Variants in CSMD1 observed in about 807,000 individuals in gnomAD.
CSMD1 encodes the protein CUB and sushi domain-containing protein 1.
CSMD1 carries 213 observed loss-of-function variants against 417.5 expected under a neutral mutation model. The observed-to-expected ratio is 0.51, with a 90% CI of 0.46 to 0.57. The LOEUF is 0.57. Ranked by LOEUF, CSMD1 falls within the 20% of genes least tolerant of loss-of-function variation. The pLI, the probability that CSMD1 is intolerant of heterozygous loss-of-function variation, is 0.00. For missense variants in CSMD1, 6,923 were observed against 4,529.7 expected (o/e 1.53, Z -15.17); for synonymous variants, 2,862 against 1,736.8 (o/e 1.65, Z -16.11).
intron 26 of CSMD1, among the ~76,000 whole-genome samples, chr8:3,251,245 G>T (rs982872140): frequency 2.0e-5 from 3 of 152,150 alleles, no homozygotes; most frequent in East Asian, 3.9e-4. Flanking sequence ...TTTGTATAAG[G>T]TGTAAGGAAG....
At chr8:3,131,600 T>C (rs1347628931) in intron 41 of CSMD1, among the ~76,000 whole-genome samples, 2 of 151,778 alleles carry the variant, frequency 1.3e-5, no homozygotes, top group Non-Finnish European at 2.9e-5. Context: ...GTCTCTTGAG[T>C]AGCTGGGATT....
chr8:2,963,121 C>G, intron 60 of CSMD1, 101 bp downstream of exon 60: 1 of 1,297,998 alleles, frequency 7.7e-7, no homozygotes, highest in Non-Finnish European at 1.1e-6. Context: ...TATTATTACC[C>G]ACCAGGAAGG....
chr8:3,389,524 A>C (rs1464732504), intron 17 of CSMD1, among the ~76,000 whole-genome samples: 1 of 152,196 alleles, frequency 6.6e-6, no homozygotes, highest in Non-Finnish European at 1.5e-5. Flanking sequence ...CAGTTAACTA[A>C]ATAATTTCAT....
At chr8:3,072,283 G>T (rs893978262) in intron 49 of CSMD1, among the ~76,000 whole-genome samples, 1 of 152,156 alleles carries the variant, frequency 6.6e-6, no homozygotes, top group Non-Finnish European at 1.5e-5. Context: ...ACCAAACTAG[G>T]AGTATGGAAC....
chr8:3,914,972 G>A (rs1808716194), intron 5 of CSMD1, among the ~76,000 whole-genome samples: 1 of 152,136 alleles, frequency 6.6e-6, no homozygotes, highest in South Asian at 2.1e-4. Flanking sequence ...GCAGTGTGAT[G>A]AAAGCTGAAC....
intron 3 of CSMD1, among the ~76,000 whole-genome samples, chr8:4,205,162 G>A (rs558862851): frequency 1.3e-5 from 2 of 152,082 alleles, no homozygotes; most frequent in Non-Finnish European, 2.9e-5. Context: ...TTCTTAGAGA[G>A]AAAACTGGGT....
chr8:4,986,887 T>C (rs1307946956), intron 1 of CSMD1, among the ~76,000 whole-genome samples: 7 of 152,194 alleles, frequency 4.6e-5, no homozygotes, highest in African/African-American at 7.2e-5. Context: ...AAAACGTTAT[T>C]AGATTTTGAT....
Position 3,107,792 on chromosome 8 carries a change from T to C in CSMD1, c.6761A>G (p.Gln2254Arg), listed in dbSNP as rs1456456042. Reference protein sequence around the residue: ...GFFVLNFHAFQLKKCQPPPAV... With the variant: ...GFFVLNFHAFRLKKCQPPPAV... Reference sequence around the variant, plus strand: ...TGGGGGAGGTTGACATTTCTTGAGCTGAAATGCTAAATGATTAATGGAAAG... The same window carrying C: ...TGGGGGAGGTTGACATTTCTTGAGCCGAAATGCTAAATGATTAATGGAAAG... The change falls in exon 45 of 70, where the codon CAG (glutamine) becomes CGG (arginine). Residue 2254 changes from glutamine (Q) to arginine (R), a missense_variant. Coordinates refer to ENST00000635120, the MANE Select transcript of CSMD1 (RefSeq NM_033225.6). The C allele has an allele frequency of 3.8e-6, 6 of 1,574,144 alleles. No homozygotes were observed. In the Admixed American group the frequency reaches 6.0e-5, roughly 16 times the overall value.
At chr8:4,815,694 C>CAAAAAAA (rs1218931391) in intron 1 of CSMD1, among the ~76,000 whole-genome samples, 4 of 67,602 alleles carry the variant, frequency 5.9e-5, no homozygotes, top group Admixed American at 1.8e-4. Context: ...AAAGCTGTCT[C>CAAAAAAA]AAAAAAAAAA....
intron 3 of CSMD1, among the ~76,000 whole-genome samples, chr8:4,069,582 T>C (rs1302445643): frequency 1.3e-5 from 2 of 152,198 alleles, no homozygotes; most frequent in Non-Finnish European, 2.9e-5. Flanking sequence ...TGCAGATGTA[T>C]CTTGGGCCAG....
chr8:4,087,959 T>C (rs1317493156), intron 3 of CSMD1, among the ~76,000 whole-genome samples: 9 of 152,114 alleles, frequency 5.9e-5, no homozygotes. Flanking sequence ...AGAACGGTGG[T>C]ATCCAAGAGA....
At chr8:3,845,540 G>T (rs116175145) in intron 5 of CSMD1, among the ~76,000 whole-genome samples, 132 of 152,288 alleles carry the variant, frequency 8.7e-4, no homozygotes, top group African/African-American at 2.7e-3. Flanking sequence ...AGGACCAGAA[G>T]TTGCTCTGGG....
intron 3 of CSMD1, among the ~76,000 whole-genome samples, chr8:4,067,625 C>A (rs1346984453): frequency 6.6e-6 from 1 of 151,856 alleles, no homozygotes; most frequent in Non-Finnish European, 1.5e-5. Flanking sequence ...CCAAAATGAC[C>A]CTACATAAAC....
chr8:3,842,679 A>G (rs1563136354), intron 5 of CSMD1, among the ~76,000 whole-genome samples: 2 of 152,160 alleles, frequency 1.3e-5, no homozygotes. Context: ...TTCAAAGAGC[A>G]TTTGAAACTA....
At chr8:4,214,124 G>C (rs533856236) in intron 3 of CSMD1, among the ~76,000 whole-genome samples, 2 of 144,930 alleles carry the variant, frequency 1.4e-5, no homozygotes, top group Non-Finnish European at 2.9e-5. Flanking sequence ...TTTTTTGTTT[G>C]TTTTGTTTTG....
At chr8:4,880,054 C>A (rs979922498) in intron 1 of CSMD1, among the ~76,000 whole-genome samples, 1 of 152,066 alleles carries the variant, frequency 6.6e-6, no homozygotes, top group African/African-American at 2.4e-5. Flanking sequence ...TAAAAGTAAT[C>A]TCCTACCTTT....
chr8:4,552,530 A>T lies in CSMD1; in HGVS notation c.302+84812T>A, dbSNP rs73661523. Among the ~76,000 whole-genome samples the T allele has an allele frequency of 5.4e-3, 823 of 152,226 alleles. 6 individuals carry two copies. Among genetic ancestry groups the T allele is most frequent in the African/African-American group, 0.019 (785 of 41,550 alleles). On this transcript the variant is annotated intron_variant, in intron 2 of 69. Transcript: ENST00000635120. ...TGCAGAACTCTGGAGAAGATTAATG[A>T]AGTCAGCTTTCCATTCCCTGGGAAG...
intron 3 of CSMD1, among the ~76,000 whole-genome samples, chr8:4,338,539 A>T (rs140872510): frequency 6.6e-6 from 1 of 151,810 alleles, no homozygotes; most frequent in African/African-American, 2.4e-5. Flanking sequence ...TTTCTAGTTT[A>T]CTCTATTTTC....
In CSMD1 at chr8:4,070,274, A is replaced by G. The variant is rs114279547; in HGVS notation, c.416-38175T>C. ...AAACATGCAATTCAAACTCTAAAAC[A>G]TAATGTTGTTATTTTTACTTAAAAA... On this transcript the variant is annotated intron_variant, in intron 3 of 69. Coordinates refer to ENST00000635120, the MANE Select transcript of CSMD1 (RefSeq NM_033225.6). Among the ~76,000 whole-genome samples, 592 of 152,332 alleles carry G rather than the reference A, an allele frequency of 3.9e-3. 3 individuals are homozygous for G. Among genetic ancestry groups the G allele is most frequent in the African/African-American group, 0.014 (569 of 41,568 alleles).
Sources: gnomAD v4.1 joint callset for allele counts (sites outside exome capture counted in the v4.1 genomes callset) on GRCh38, gnomAD v4.1.1 for gene constraint, MANE v1.5 for transcripts, NCBI Gene and HGNC (gene_info 2026-07-23, HGNC 2026-07-21) for gene names.